Variants in RAB8B observed in about 807,000 individuals in gnomAD.
RAB8B encodes ras-related protein Rab-8B.
RAB8B carries 11 observed loss-of-function variants against 32.0 expected under a neutral mutation model. The ratio of observed to expected loss-of-function variants is 0.34; its 90% CI spans 0.22 to 0.57. The LOEUF is 0.57. Ranked by LOEUF, RAB8B falls within the 20% of genes least tolerant of loss-of-function variation. The probability of loss-of-function intolerance (pLI) is 0.86; values close to 1 mark genes in which losing one functional copy is unlikely to be tolerated. For missense variants in RAB8B, 190 were observed against 258.5 expected (o/e 0.73, Z 1.82); for synonymous variants, 103 against 89.6 (o/e 1.15, Z -0.85).
chr15:63,231,804 G>T (rs754305781), intron 1 of RAB8B, among the ~76,000 whole-genome samples: 1 of 152,148 alleles, frequency 6.6e-6, no homozygotes, highest in African/African-American at 2.4e-5. Flanking sequence ...TTTAAGAAAG[G>T]TTAGTTCACC....
chr15:63,220,065 T>G (rs866005372), intron 1 of RAB8B, among the ~76,000 whole-genome samples: 1 of 152,244 alleles, frequency 6.6e-6, no homozygotes, highest in African/African-American at 2.4e-5. Context: ...CTAACCAATA[T>G]GAAATATCCA....
chr15:63,230,234 T>C (rs1173504315), intron 1 of RAB8B, among the ~76,000 whole-genome samples: 1 of 152,192 alleles, frequency 6.6e-6, no homozygotes, highest in East Asian at 1.9e-4. Flanking sequence ...AAAAGGCTCT[T>C]GTTAACTAGA....
At position 63,220,201 on chromosome 15, in the gene RAB8B, A is replaced by G. The variant is rs186352552; in HGVS notation, c.125-24555A>G. Among the ~76,000 whole-genome samples the G allele has an allele frequency of 9.8e-5, 15 of 152,364 alleles. No individual in the cohort carries two copies. The East Asian group carries it at 2.9e-3, about 29-fold the overall frequency. On this transcript the variant is annotated intron_variant, in intron 1 of 7. Coordinates refer to ENST00000321437, the MANE Select transcript of RAB8B (RefSeq NM_016530.3). ...CGAACCCCTAAACCTGTCTAAGTTA[A>G]CGTGGTTAGAATTGAGACAATGGTA...
rs28436099 is a variant in RAB8B at position 63,236,452 on chromosome 15, G to A, written c.125-8304G>A. 3.3e-3 allele frequency among the ~76,000 whole-genome samples: 507 copies of A among 152,250 alleles called. 3 individuals carry two copies. The highest frequency in any genetic ancestry group is 0.012 in the African/African-American group (488 of 41,524). The stretch of plus-strand genomic sequence containing the variant: ...TCTTGCCTTCTAAACTCAGATGTTG[G>A]ATTGTGTTTCCAGCTGGGTGGGCTG... On this transcript the variant is annotated intron_variant, in intron 1 of 7. Transcript: ENST00000321437.
rs2152581069 is a variant in RAB8B, at chr15:63,251,644, A to G, written c.246+1939A>G. Among the ~76,000 whole-genome samples, 3 of 152,364 alleles carry G rather than the reference A, an allele frequency of 2.0e-5. 1 individual carries two copies. In the East Asian group the frequency reaches 5.8e-4, roughly 29 times the overall value. Reference sequence around the variant, plus strand: ...ATTAGAAATTGTTGCTATTCTAAATAGTATTACCTTCCACATTTTGAAGGT... The same window carrying G: ...ATTAGAAATTGTTGCTATTCTAAATGGTATTACCTTCCACATTTTGAAGGT... On this transcript the variant is annotated intron_variant, in intron 3 of 7. Coordinates refer to ENST00000321437, the MANE Select transcript of RAB8B (RefSeq NM_016530.3).
intron 1 of RAB8B, among the ~76,000 whole-genome samples, chr15:63,198,295 T>G (rs898637963): frequency 1.3e-5 from 2 of 152,198 alleles, no homozygotes; most frequent in Non-Finnish European, 2.9e-5. Context: ...TTAGTTTAAC[T>G]AGGCACTTTG....
chr15:63,219,967 CA>C (rs2037830138), intron 1 of RAB8B, among the ~76,000 whole-genome samples: 1 of 152,222 alleles, frequency 6.6e-6, no homozygotes, highest in Non-Finnish European at 1.5e-5. Flanking sequence ...GAAGTTCCCA[CA>C]CAACGTAGAG....
chr15:63,245,070 A>C (rs1231816595), intron 2 of RAB8B, among the ~76,000 whole-genome samples: 2 of 152,210 alleles, frequency 1.3e-5, no homozygotes, highest in Non-Finnish European at 2.9e-5. Context: ...ATAATTTTTG[A>C]GGGGAGGAAA....
intron 1 of RAB8B, among the ~76,000 whole-genome samples, chr15:63,197,365 C>CTTTTTTT (rs2037610287): frequency 1.2e-5 from 1 of 85,572 alleles, no homozygotes; most frequent in African/African-American, 4.8e-5. Context: ...TTCTTTCTTT[C>CTTTTTTT]TTTTCTTTTT....
In RAB8B at chr15:63,207,318, C is replaced by T. The variant is rs151282127; in HGVS notation, c.124+17570C>T. On this transcript the variant is annotated intron_variant, in intron 1 of 7. Coordinates refer to ENST00000321437, the MANE Select transcript of RAB8B (RefSeq NM_016530.3). ...ACGTATAAGTGCTCGAAAGCTCCCA[C>T]GTGGTGATGGAGCTAAGCTTGCCCC... is the stretch of plus-strand genomic sequence containing the variant. 8.5e-5 allele frequency among the ~76,000 whole-genome samples: 13 copies of T among 152,312 alleles called. No individual in the cohort carries two copies. The East Asian group carries it at 1.7e-3, about 20-fold the overall frequency.
chr15:63,206,112 C>CT (rs2037696035), intron 1 of RAB8B, among the ~76,000 whole-genome samples: 1 of 152,208 alleles, frequency 6.6e-6, no homozygotes. Context: ...AGTGATATCT[C>CT]TTTTATTAGC....
intron 1 of RAB8B, chr15:63,223,138 A>T (rs1237049737): frequency 9.1e-6 from 4 of 438,234 alleles, no homozygotes; most frequent in Non-Finnish European, 1.8e-5. Context: ...TTGAGACGGA[A>T]TCTTGCTCTG....
At chr15:63,196,144 T>C (rs1218573596) in intron 1 of RAB8B, among the ~76,000 whole-genome samples, 1 of 152,162 alleles carries the variant, frequency 6.6e-6, no homozygotes, top group Admixed American at 6.5e-5. Flanking sequence ...AACTCAACTT[T>C]ATGGGCAATT....
intron 5 of RAB8B, among the ~76,000 whole-genome samples, chr15:63,258,022 C>T (rs1323531294): frequency 6.7e-6 from 1 of 149,782 alleles, no homozygotes; most frequent in Non-Finnish European, 1.5e-5. Flanking sequence ...GAGATAGTGC[C>T]ACTGTACTCC....
intron 1 of RAB8B, among the ~76,000 whole-genome samples, chr15:63,235,186 A>C (rs1292117916): frequency 2.6e-5 from 4 of 152,094 alleles, no homozygotes; most frequent in Non-Finnish European, 2.9e-5. Flanking sequence ...AAAAGCAGGC[A>C]CTACCATACC....
At chr15:63,235,304 G>T (rs1041488778) in intron 1 of RAB8B, among the ~76,000 whole-genome samples, 5 of 152,128 alleles carry the variant, frequency 3.3e-5, no homozygotes, top group Non-Finnish European at 7.3e-5. Context: ...GAATAAGAGC[G>T]ATAGAGCCTG....
intron 1 of RAB8B, among the ~76,000 whole-genome samples, chr15:63,237,410 T>G (rs915075576): frequency 1.6e-4 from 24 of 152,360 alleles, no homozygotes; most frequent in African/African-American, 4.1e-4. Context: ...ATTGCCTATC[T>G]TTTGGATAAA....
chr15:63,191,120 C>A lies in RAB8B; in HGVS notation c.124+1372C>A, dbSNP rs370278935. On this transcript the variant is annotated intron_variant, in intron 1 of 7. Transcript: ENST00000321437. The stretch of plus-strand genomic sequence containing the variant: ...ATTAAGTACCTTAAGAATACCTCAG[C>A]TTTTGGTTGTGTTGGTGATGTTTCT... Among the ~76,000 whole-genome samples the A allele has an allele frequency of 1.3e-3, 197 of 152,204 alleles. 3 individuals carry two copies. In the South Asian group the frequency reaches 0.038, roughly 29 times the overall value.
rs56015501 is a variant in RAB8B, at chr15:63,229,780, C to CAAAAAAAAAAAAA, written c.125-14958_125-14946dup. ...TAGGTGACAGAGCAAGACGCTGTTT[C>CAAAAAAAAAAAAA]AAAAAAAAAAAAAAAAAAAAAAAAA... is the stretch of plus-strand genomic sequence containing the variant. On this transcript the variant is annotated intron_variant, in intron 1 of 7. Coordinates refer to ENST00000321437, the MANE Select transcript of RAB8B (RefSeq NM_016530.3). 1.9e-4 allele frequency among the ~76,000 whole-genome samples: 7 copies of CAAAAAAAAAAAAA among 35,988 alleles called. 1 individual carries two copies. The highest frequency in any genetic ancestry group is 7.3e-4 in the South Asian group (1 of 1,378). 23.6% of individuals were successfully genotyped at this position (35,988 alleles called of 152,430 possible). A position where few individuals can be genotyped will look rare whatever the true frequency, so the allele number is the denominator to read the frequency against.
Sources: allele counts gnomAD v4.1 joint callset (sites outside exome capture counted in the v4.1 genomes callset), GRCh38; gene constraint gnomAD v4.1.1; transcripts MANE v1.5; gene names NCBI Gene and HGNC (gene_info 2026-07-23, HGNC 2026-07-21).